Variants in TAB2 observed in about 807,000 individuals in gnomAD.
TAB2 encodes TGF-beta activated kinase 1 (MAP3K7) binding protein 2.
TAB2 carries 3 observed loss-of-function variants against 65.0 expected under a neutral mutation model. The observed-to-expected ratio is 0.05, with a 90% CI of 0.02 to 0.12. The LOEUF is 0.12. Among genes scored for constraint, TAB2 ranks in the 10% least tolerant of loss-of-function variants. The probability of loss-of-function intolerance (pLI) is 1.00; values close to 1 mark genes in which losing one functional copy is unlikely to be tolerated. For missense variants in TAB2, 623 were observed against 840.3 expected, an observed-to-expected ratio of 0.74 and a Z score of 3.20; for synonymous variants, 298 against 285.1, an observed-to-expected ratio of 1.05 and a Z score of -0.46.
intron 1 of TAB2, among the ~76,000 whole-genome samples, chr6:149,354,755 T>A (rs520683): frequency 0.87 from 132,533 of 152,150 alleles, 57,798 homozygotes; most frequent in Middle Eastern, 0.97. Context: ...TGAGTATTGT[T>A]TCTTGGGGAT....
chr6:149,314,977 A>C (rs1779226312), upstream of TAB2, among the ~76,000 whole-genome samples: 1 of 151,978 alleles, frequency 6.6e-6, no homozygotes, highest in South Asian at 2.1e-4. Context: ...ATATTTACTG[A>C]ATCAATAAAT....
chr6:149,400,875 T>G (rs1782380660), intron 6 of TAB2: 3 of 611,126 alleles, frequency 4.9e-6, no homozygotes, highest in East Asian at 5.9e-5. Context: ...AGCATATTGC[T>G]TTTTTCTTCA....
At chr6:149,341,886 G>A (rs1780141243) in intron 1 of TAB2, among the ~76,000 whole-genome samples, 1 of 151,986 alleles carries the variant, frequency 6.6e-6, no homozygotes, top group African/African-American at 2.4e-5. Flanking sequence ...TTAGGGAAAT[G>A]CCTAAGGGTA....
chr6:149,290,133 T>A (rs534403), intron 1 of TAB2, among the ~76,000 whole-genome samples: 71,516 of 152,034 alleles, frequency 0.47, 18,167 homozygotes, highest in African/African-American at 0.67. Context: ...GTTCTCTGTG[T>A]TGATGTTAAT....
chr6:149,264,046 C>T (rs1257574611), intron 1 of TAB2, among the ~76,000 whole-genome samples: 5 of 152,218 alleles, frequency 3.3e-5, no homozygotes, highest in African/African-American at 1.2e-4. Context: ...GCATGCCCAT[C>T]ATGGGAATTC....
At chr6:149,371,899 G>A (rs918378739) in intron 2 of TAB2, among the ~76,000 whole-genome samples, 2 of 152,086 alleles carry the variant, frequency 1.3e-5, no homozygotes, top group African/African-American at 4.8e-5. Context: ...GGAAAGGAGC[G>A]GAGATAGTGG....
chr6:149,227,161 G>A (rs952421680), intron 1 of TAB2, among the ~76,000 whole-genome samples: 2 of 152,286 alleles, frequency 1.3e-5, no homozygotes, highest in African/African-American at 4.8e-5. Flanking sequence ...ATTAAAACGA[G>A]AGATTTTTCT....
chr6:149,339,659 T>G (rs1780053898), intron 1 of TAB2, among the ~76,000 whole-genome samples: 1 of 148,726 alleles, frequency 6.7e-6, no homozygotes, highest in Admixed American at 6.8e-5. Flanking sequence ...AGTGCAGTGG[T>G]GCGATTGCAG....
chr6:149,403,096 TGGC>T (rs1782493083), intron 6 of TAB2, among the ~76,000 whole-genome samples: 1 of 151,290 alleles, frequency 6.6e-6, no homozygotes. Context: ...TAGCCTGGCT[TGGC>T]GGCCCATGCC....
At chr6:149,398,796 T>A (rs553108405) in intron 5 of TAB2, among the ~76,000 whole-genome samples, 1 of 147,382 alleles carries the variant, frequency 6.8e-6, no homozygotes, top group Admixed American at 6.6e-5. Context: ...AATTGTGAAA[T>A]TTTAAGTTAT....
At chr6:149,245,882 C>T (rs1777701591) in intron 1 of TAB2, among the ~76,000 whole-genome samples, 1 of 152,198 alleles carries the variant, frequency 6.6e-6, no homozygotes, top group Non-Finnish European at 1.5e-5. Context: ...CTATACATTT[C>T]TCCCTCCTCT....
chr6:149,381,032 A>G (rs1781588578), intron 3 of TAB2, among the ~76,000 whole-genome samples: 1 of 152,326 alleles, frequency 6.6e-6, no homozygotes, highest in East Asian at 1.9e-4. Context: ...GCTTGAGCCC[A>G]GAAGTTTGAG....
At chr6:149,337,410 C>T (rs1025417015) in intron 1 of TAB2, among the ~76,000 whole-genome samples, 2 of 152,106 alleles carry the variant, frequency 1.3e-5, no homozygotes, top group African/African-American at 2.4e-5. Context: ...ATTCATGACC[C>T]CCGATCTAGT....
intron 6 of TAB2, among the ~76,000 whole-genome samples, chr6:149,403,422 C>T (rs1450367016): frequency 6.8e-6 from 1 of 148,046 alleles, no homozygotes; most frequent in Non-Finnish European, 1.5e-5. Flanking sequence ...TATATAAAAA[C>T]CCCATAGGTA....
intron 1 of TAB2, among the ~76,000 whole-genome samples, chr6:149,278,340 T>C (rs1163935860): frequency 6.6e-6 from 1 of 152,244 alleles, no homozygotes; most frequent in African/African-American, 2.4e-5. Flanking sequence ...CTATGAGTTT[T>C]AGGCTGTAAA....
At chr6:149,376,820 C>T (rs1009441922) in intron 2 of TAB2, among the ~76,000 whole-genome samples, 5 of 151,876 alleles carry the variant, frequency 3.3e-5, no homozygotes, top group South Asian at 2.1e-4. Context: ...CAAACATTTT[C>T]GTGGATGATT....
At chr6:149,272,928 G>A (rs1470050516) in intron 1 of TAB2, among the ~76,000 whole-genome samples, 3 of 152,166 alleles carry the variant, frequency 2.0e-5, no homozygotes, top group Non-Finnish European at 4.4e-5. Context: ...TGAACTGCAC[G>A]TGAGGGATCT....
chr6:149,358,869 T>C (rs1780756621), intron 1 of TAB2, among the ~76,000 whole-genome samples: 2 of 152,118 alleles, frequency 1.3e-5, no homozygotes, highest in Non-Finnish European at 2.9e-5. Context: ...TATTCTCTTA[T>C]CCATCTTCCA....
rs1782216188 is a variant in TAB2, at chr6:149,397,632, G to T, written c.1632G>T (p.Met544Ile). The change falls in exon 4 of 7, where the codon ATG becomes ATT. Residue 544 changes from methionine (M) to isoleucine (I), a missense_variant. By Grantham distance (10) the Met-to-Ile change is conservative. Around this residue, in one of 3 missense-constraint regions of TAB2, gnomAD observed 550 missense variants for 665.7 expected, o/e 0.83. Coordinates refer to ENST00000637181, the MANE Select transcript of TAB2 (RefSeq NM_001292034.3). ...TTTTGGTACACCAGAAGGCCAGAAT[G>T]GAACGACTTCAAAGAGAACTTGAGA... ...QALLVHQKARMERLQRELEIQ... is the reference protein window; with the variant it reads ...QALLVHQKARIERLQRELEIQ... The T allele has an allele frequency of 1.9e-6, 3 of 1,614,006 alleles. No homozygotes were observed. Among genetic ancestry groups the T allele is most frequent in the Non-Finnish European group, 1.7e-6 (2 of 1,179,972 alleles).
Sources: gnomAD v4.1 joint callset for allele counts (sites outside exome capture counted in the v4.1 genomes callset) on GRCh38, gnomAD v4.1.1 for gene constraint, gnomAD v4.1.1 regional missense constraint, MANE v1.5 for transcripts, NCBI Gene and HGNC (gene_info 2026-07-23, HGNC 2026-07-21) for gene names.